SLC2A9: variants seen among roughly 807,000 people sequenced by gnomAD.
SLC2A9 encodes solute carrier family 2, facilitated glucose transporter member 9.
In SLC2A9, 39 loss-of-function variants were observed where a neutral mutation model predicts 50.6. The observed-to-expected ratio is 0.77, with a 90% confidence interval of 0.60 to 1.01. SLC2A9 has a LOEUF of 1.01. Among genes scored for constraint, SLC2A9 ranks in the 50% least tolerant of loss-of-function variants. SLC2A9 has a pLI of 0.00. For missense variants in SLC2A9, 686 were observed against 677.6 expected, an observed-to-expected ratio of 1.01 and a Z score of -0.14; for synonymous variants, 324 against 276.9, an observed-to-expected ratio of 1.17 and a Z score of -1.69.
chr4:9,894,687 G>C (rs931492360), intron 8 of SLC2A9, among the ~76,000 whole-genome samples: 5 of 152,316 alleles, frequency 3.3e-5, no homozygotes, highest in Non-Finnish European at 2.9e-5. Context: ...GTGGCTAACA[G>C]GACAGAGCCA....
At chr4:9,982,085 T>C (rs997192760) in intron 4 of SLC2A9, among the ~76,000 whole-genome samples, 1 of 152,234 alleles carries the variant, frequency 6.6e-6, no homozygotes, top group Non-Finnish European at 1.5e-5. Context: ...TTCTCCATGT[T>C]GGTCAGCTGG....
chr4:9,987,651 C>G (rs897377098), intron 3 of SLC2A9, among the ~76,000 whole-genome samples: 4 of 152,054 alleles, frequency 2.6e-5, no homozygotes, highest in Non-Finnish European at 4.4e-5. Context: ...AATTATGGGA[C>G]TCAGTTATGG....
chr4:10,026,091 G>T (rs114858956), upstream of SLC2A9: 12 of 969,036 alleles, frequency 1.2e-5, no homozygotes, highest in Non-Finnish European at 2.0e-5. Context: ...AGCAGTCTTC[G>T]AAAGGTTTGC....
intron 3 of SLC2A9, among the ~76,000 whole-genome samples, chr4:9,785,888 G>T (rs1209448400): frequency 6.6e-6 from 1 of 152,200 alleles, no homozygotes; most frequent in Non-Finnish European, 1.5e-5. Flanking sequence ...AAAACCCAGG[G>T]TGAGTAGGGT....
At position 9,782,020 on chromosome 4, in the gene SLC2A9, C is replaced by T. The variant is rs748676694; in HGVS notation, n.386-1955G>A. The stretch of plus-strand genomic sequence containing the variant: ...ACCGCGCACAGACCGCCCCTGCAGT[C>T]CAGCCCGAAATGCTGCCGCCAGGCA... On this transcript the variant is annotated intron_variant and non_coding_transcript_variant, in intron 3 of 3. Transcript: ENST00000503803. The T allele has an allele frequency of 1.2e-5, 18 of 1,455,106 alleles. No homozygotes were observed. The South Asian group carries it at 1.4e-4, about 12-fold the overall frequency. The allele number at this position is 1,455,106 out of a possible 1,614,324, so 90.1% of individuals were successfully genotyped here.
intron 8 of SLC2A9, among the ~76,000 whole-genome samples, chr4:9,903,011 T>C (rs1303069443): frequency 6.6e-6 from 1 of 152,188 alleles, no homozygotes; most frequent in Admixed American, 6.5e-5. Flanking sequence ...CCACTTTCAC[T>C]AAGAGAAAAA....
At chr4:9,956,287 T>C (rs1751269565) in intron 5 of SLC2A9, among the ~76,000 whole-genome samples, 1 of 151,092 alleles carries the variant, frequency 6.6e-6, no homozygotes, top group Admixed American at 6.6e-5. Flanking sequence ...ATCGAGACCA[T>C]CCTGGCTAAC....
chr4:9,883,445 C>T (rs1735595006), intron 10 of SLC2A9, among the ~76,000 whole-genome samples: 3 of 152,190 alleles, frequency 2.0e-5, no homozygotes, highest in Admixed American at 2.0e-4. Flanking sequence ...GAGCCCCTAA[C>T]CCCTGTGGAC....
intron 6 of SLC2A9, among the ~76,000 whole-genome samples, chr4:9,928,139 C>T (rs563709237): frequency 3.3e-5 from 5 of 152,232 alleles, no homozygotes; most frequent in African/African-American, 1.2e-4. Flanking sequence ...AAAGAAACCA[C>T]AAATTAAAGG....
chr4:9,884,548 T>C (rs938891993), intron 10 of SLC2A9, among the ~76,000 whole-genome samples: 1 of 152,176 alleles, frequency 6.6e-6, no homozygotes, highest in Non-Finnish European at 1.5e-5. Flanking sequence ...AGTGTATTTG[T>C]TGGATGGAGG....
intron 10 of SLC2A9, chr4:9,879,032 C>T (rs1487838461): frequency 1.0e-6 from 1 of 985,022 alleles, no homozygotes; most frequent in African/African-American, 1.7e-5. Flanking sequence ...ATGAAAAATA[C>T]AAGCATTTAT....
At chr4:9,946,491 G>A (rs1578023372) in intron 5 of SLC2A9, among the ~76,000 whole-genome samples, 2 of 152,318 alleles carry the variant, frequency 1.3e-5, no homozygotes, top group Admixed American at 1.3e-4. Flanking sequence ...GTTGATGCTG[G>A]CTGGGCCACT....
intron 10 of SLC2A9, among the ~76,000 whole-genome samples, chr4:9,837,992 G>C (rs530446096): frequency 1.3e-4 from 20 of 152,304 alleles, no homozygotes; most frequent in African/African-American, 4.6e-4. Flanking sequence ...AAAGTGAGTA[G>C]GAGCTTGCTA....
At chr4:9,812,031 T>C (rs528535644) in intron 3 of SLC2A9, among the ~76,000 whole-genome samples, 78 of 152,356 alleles carry the variant, frequency 5.1e-4, no homozygotes, top group Admixed American at 4.3e-3. Context: ...TTCCTTCTTT[T>C]ATGTTAAAGC....
At chr4:9,834,174 G>A (rs945274757) in intron 11 of SLC2A9, among the ~76,000 whole-genome samples, 1 of 152,074 alleles carries the variant, frequency 6.6e-6, no homozygotes, top group Non-Finnish European at 1.5e-5. Flanking sequence ...AGGCCTCTGC[G>A]CAACGGTCAC....
chr4:9,783,268 G>T, intron 3 of SLC2A9: 1 of 1,614,190 alleles, frequency 6.2e-7, no homozygotes, highest in Non-Finnish European at 8.5e-7. Context: ...ACATCCACAT[G>T]ATGCCCAACG....
intron 3 of SLC2A9, chr4:9,783,506 G>C (rs575223156): frequency 2.6e-6 from 4 of 1,543,934 alleles, no homozygotes; most frequent in East Asian, 4.5e-5. Context: ...TAACCGCACA[G>C]ACATTGACAA....
intron 1 of SLC2A9, among the ~76,000 whole-genome samples, chr4:10,039,486 T>C (rs796547539): frequency 2.1e-4 from 32 of 152,160 alleles, no homozygotes; most frequent in African/African-American, 7.7e-4. Flanking sequence ...CCTCCGCTAT[T>C]CTCTATCTTC....
At chr4:9,833,465 C>T (rs905206752) in intron 11 of SLC2A9, among the ~76,000 whole-genome samples, 1 of 152,124 alleles carries the variant, frequency 6.6e-6, no homozygotes, top group Non-Finnish European at 1.5e-5. Context: ...ATGTCTGCTT[C>T]CTGGACCTCC....
Sources: gnomAD v4.1 joint callset for allele counts (sites outside exome capture counted in the v4.1 genomes callset) on GRCh38, gnomAD v4.1.1 for gene constraint, MANE v1.5 for transcripts, NCBI Gene and HGNC (gene_info 2026-07-23, HGNC 2026-07-21) for gene names.